ANXA6: variants seen among roughly 807,000 people sequenced by gnomAD.
ANXA6 encodes annexin A6.
A neutral mutation model predicts 95.4 loss-of-function variants in ANXA6; 71 were observed. That is an observed-to-expected ratio of 0.74 (90% CI 0.61 to 0.91). The LOEUF (loss-of-function observed/expected upper bound fraction) is 0.91, where lower values mean the gene tolerates loss of function less well. Ranked by LOEUF, ANXA6 falls within the 40% of genes least tolerant of loss-of-function variation. The probability of loss-of-function intolerance (pLI) is 0.00; values close to 1 mark genes in which losing one functional copy is unlikely to be tolerated. For synonymous variants in ANXA6, 289 were observed against 315.9 expected, an observed-to-expected ratio of 0.91 and a Z score of 0.90; for missense variants, 830 against 876.4, an observed-to-expected ratio of 0.95 and a Z score of 0.67.
At position 151,124,335 on chromosome 5, in the gene ANXA6, G is replaced by A; in HGVS notation, c.1089C>T (p.Phe363=). Residue 363 remains phenylalanine, a synonymous_variant, in exon 15 of 26, where the codon TTC becomes TTT. Transcript: ENST00000354546. ...LKGTVRPAND[F]NPDADAKALR... ...GCGCTTTGGCATCTGCGTCAGGGTT[G>A]AAGTCATTGGCTGGGCGCACAGTTC... The A allele has an allele frequency of 6.2e-7, 1 of 1,613,234 alleles. No homozygotes were observed. Among genetic ancestry groups the A allele is most frequent in the Non-Finnish European group, 8.5e-7 (1 of 1,179,650 alleles).
At chr5:151,107,442 G>A (rs907210084) in intron 23 of ANXA6, among the ~76,000 whole-genome samples, 4 of 152,114 alleles carry the variant, frequency 2.6e-5, no homozygotes, top group East Asian at 1.9e-4. Context: ...GGGCTATCCC[G>A]CCTCCTAGAT....
chr5:151,126,543 AACACACACAC>A (rs3079845), intron 13 of ANXA6, 63 bp from the exon 14 acceptor site: 233,060 of 829,190 alleles, frequency 0.28, 23,965 homozygotes, highest in Middle Eastern at 0.37. Context: ...CACTCACACC[AACACACACAC>A]ACACACACAC....
intron 4 of ANXA6, chr5:151,139,078 TCTCA>T (rs1765751789): frequency 8.5e-6 from 5 of 589,596 alleles, no homozygotes; most frequent in Admixed American, 3.0e-5. Flanking sequence ...TGTGTATCTC[TCTCA>T]CTATCTGGCA....
At chr5:151,124,070 G>A (rs1765244314) in intron 15 of ANXA6, among the ~76,000 whole-genome samples, 1 of 152,168 alleles carries the variant, frequency 6.6e-6, no homozygotes, top group Admixed American at 6.5e-5. Context: ...GGACACCTTG[G>A]TCCCTGGAAA....
intron 24 of ANXA6, among the ~76,000 whole-genome samples, 180 bp from the exon 25 acceptor site, chr5:151,103,872 A>G (rs553674261): frequency 1.3e-5 from 2 of 152,366 alleles, no homozygotes; most frequent in Non-Finnish European, 2.9e-5. Context: ...AGGACTGGCC[A>G]GACTGACACG....
chr5:151,141,693 C>T (rs942263646), intron 2 of ANXA6: 6 of 985,382 alleles, frequency 6.1e-6, no homozygotes, highest in Admixed American at 6.2e-5. Flanking sequence ...ATGCATGCGT[C>T]GGCGTGGAGT....
intron 3 of ANXA6, 123 bp downstream of exon 3, chr5:151,140,030 A>C (rs1207626157): frequency 1.5e-6 from 1 of 665,712 alleles, no homozygotes; most frequent in Non-Finnish European, 2.5e-6. Flanking sequence ...AAAAGAGGAG[A>C]CCAAAAAAAT....
intron 10 of ANXA6, 35 bp from the exon 11 acceptor site, chr5:151,131,324 G>A (rs766737630): frequency 3.7e-6 from 6 of 1,608,080 alleles, no homozygotes; most frequent in Non-Finnish European, 5.1e-6. Context: ...AGTTATTCTG[G>A]CTGCCTCAGA....
chr5:151,110,395 G>C (rs1764816209), intron 21 of ANXA6, among the ~76,000 whole-genome samples: 1 of 152,172 alleles, frequency 6.6e-6, no homozygotes, highest in Non-Finnish European at 1.5e-5. Context: ...TCGATTTAAA[G>C]ATCAGTATTA....
At position 151,134,461 on chromosome 5, in the gene ANXA6, A is replaced by G. The variant is rs1216833683; in HGVS notation, c.512T>C (p.Val171Ala). The G allele has an allele frequency of 1.2e-6, 2 of 1,613,842 alleles. No individual in the cohort carries two copies. The highest frequency in any genetic ancestry group is 1.7e-5 in the Admixed American group (1 of 60,002). ...CTGTTGTACCAGGTCCTCGCTCACT[A>G]CGTCATCCTCCTCCCTGGTTCCCTG... ...LLQGTREEDDVVSEDLVQQDV... is the reference protein window; with the variant it reads ...LLQGTREEDDAVSEDLVQQDV... Residue 171 changes from valine (V) to alanine (A), a missense_variant, in exon 8 of 26, where the codon GTA becomes GCA. By Grantham distance (64) the Val-to-Ala change is moderately conservative. Transcript: ENST00000354546.
At chr5:151,150,099 C>T (rs547548557) in intron 1 of ANXA6, among the ~76,000 whole-genome samples, 2 of 147,790 alleles carry the variant, frequency 1.4e-5, no homozygotes, top group Non-Finnish European at 3.0e-5. Flanking sequence ...GGCTAGGCAA[C>T]AGAGTGAGAC....
intron 24 of ANXA6, among the ~76,000 whole-genome samples, 189 bp from the exon 25 acceptor site, chr5:151,103,881 C>A (rs538297917): frequency 6.6e-6 from 1 of 152,148 alleles, no homozygotes; most frequent in Non-Finnish European, 1.5e-5. Context: ...CAGACTGACA[C>A]GCAAAAAAGA....
intron 11 of ANXA6, 95 bp downstream of exon 11, chr5:151,131,136 G>T: frequency 7.4e-7 from 1 of 1,355,346 alleles, no homozygotes; most frequent in Non-Finnish European, 1.0e-6. Flanking sequence ...GGCCATCCCT[G>T]AAGGGCTCTC....
intron 20 of ANXA6, among the ~76,000 whole-genome samples, chr5:151,114,219 G>A (rs921216546): frequency 6.6e-6 from 1 of 152,098 alleles, no homozygotes; most frequent in African/African-American, 2.4e-5. Context: ...GGTGATGGTT[G>A]CATTAAGTCT....
intron 22 of ANXA6, among the ~76,000 whole-genome samples, chr5:151,108,881 AC>A (rs1442425019): frequency 6.6e-6 from 1 of 152,158 alleles, no homozygotes; most frequent in East Asian, 1.9e-4. Context: ...GCCCCAGCTC[AC>A]TGAGGGACCT....
At chr5:151,148,216 T>C (rs1766018707) in intron 1 of ANXA6, among the ~76,000 whole-genome samples, 1 of 152,070 alleles carries the variant, frequency 6.6e-6, no homozygotes, top group Middle Eastern at 3.2e-3. Flanking sequence ...CTAGGCAGGG[T>C]ACCTGTCTCA....
At chr5:151,102,105 C>T (rs1237860341) in intron 25 of ANXA6, among the ~76,000 whole-genome samples, 3 of 152,192 alleles carry the variant, frequency 2.0e-5, no homozygotes, top group African/African-American at 4.8e-5. Flanking sequence ...GTCTGGTATA[C>T]GTTCAGACTG....
At chr5:151,120,569 A>T (rs1199631106) in intron 17 of ANXA6, among the ~76,000 whole-genome samples, 1 of 152,138 alleles carries the variant, frequency 6.6e-6, no homozygotes, top group Non-Finnish European at 1.5e-5. Context: ...AGACAAAAAA[A>T]TTAGCTGGTC....
chr5:151,128,746 A>C (rs984971222), intron 12 of ANXA6, among the ~76,000 whole-genome samples: 1 of 152,240 alleles, frequency 6.6e-6, no homozygotes, highest in Non-Finnish European at 1.5e-5. Flanking sequence ...ATGGACTTCA[A>C]AATGTGAAAG....
Sources: gnomAD v4.1 joint callset for allele counts (sites outside exome capture counted in the v4.1 genomes callset) on GRCh38, gnomAD v4.1.1 for gene constraint, MANE v1.5 for transcripts, NCBI Gene and HGNC (gene_info 2026-07-23, HGNC 2026-07-21) for gene names.